Variants in FKTN observed in about 807,000 individuals in gnomAD.
FKTN encodes fukutin.
FKTN carries 47 observed loss-of-function variants against 58.6 expected under a neutral mutation model. That is an observed-to-expected ratio of 0.80 (90% CI 0.63 to 1.02). The LOEUF is 1.02. Among genes scored for constraint, FKTN ranks in the 50% least tolerant of loss-of-function variants. The pLI, the probability that FKTN is intolerant of heterozygous loss-of-function variation, is 0.00. For missense variants in FKTN, 516 were observed against 537.3 expected (o/e 0.96, Z 0.39); for synonymous variants, 178 against 191.9 (o/e 0.93, Z 0.60).
At chr9:105,581,586 C>A (rs1842922574) in intron 3 of FKTN, among the ~76,000 whole-genome samples, 1 of 151,972 alleles carries the variant, frequency 6.6e-6, no homozygotes, top group East Asian at 1.9e-4. Flanking sequence ...CAGACAGGGA[C>A]ATTGAAGTCT....
chr9:105,639,884 T>G lies in FKTN; in HGVS notation c.*4620T>G, dbSNP rs988003923. 5 of 1,402,214 alleles carry G rather than the reference T, an allele frequency of 3.6e-6. No individual in the cohort carries two copies. The highest frequency in any genetic ancestry group is 4.6e-6 in the Non-Finnish European group (5 of 1,083,076). 86.9% of individuals were successfully genotyped at this position (1,402,214 alleles called of 1,614,324 possible). On this transcript the variant is annotated 3_prime_UTR_variant, in exon 11 of 11. Coordinates refer to ENST00000357998, the MANE Select transcript of FKTN (RefSeq NM_001079802.2). ...TTTGGTACCTGCTCTCCCCTGGACT[T>G]CTTTTTCAATATTCTAGCCTTTCCT...
chr9:105,610,320 G>A (rs1232336039), intron 7 of FKTN, among the ~76,000 whole-genome samples: 1 of 151,984 alleles, frequency 6.6e-6, no homozygotes, highest in Non-Finnish European at 1.5e-5. Flanking sequence ...GGGGTAGGGT[G>A]TATATGTCTG....
chr9:105,628,064 C>T (rs1258835811), intron 10 of FKTN, among the ~76,000 whole-genome samples: 2 of 152,238 alleles, frequency 1.3e-5, no homozygotes, highest in African/African-American at 4.8e-5. Flanking sequence ...TGAATCCTCA[C>T]TCATTGTCTC....
chr9:105,578,668 A>G (rs1448253929), intron 3 of FKTN, among the ~76,000 whole-genome samples: 4 of 151,840 alleles, frequency 2.6e-5, no homozygotes, highest in South Asian at 2.1e-4. Flanking sequence ...TTGGTATCAG[A>G]ATGATGCTGG....
chr9:105,565,165 G>T (rs537279756), intron 1 of FKTN, among the ~76,000 whole-genome samples: 27 of 152,114 alleles, frequency 1.8e-4, no homozygotes, highest in African/African-American at 6.0e-4. Context: ...ACATGGAAAG[G>T]AACAGCCGAT....
intron 3 of FKTN, among the ~76,000 whole-genome samples, chr9:105,577,481 G>T (rs1197388826): frequency 6.9e-6 from 1 of 145,500 alleles, no homozygotes; most frequent in Admixed American, 6.8e-5. Flanking sequence ...ATAGTTGTAG[G>T]TATGCGGCAT....
rs1395356843 is a variant in FKTN at position 105,575,118 on chromosome 9, A to G, written c.86A>G (p.Lys29Arg). The G allele has an allele frequency of 2.5e-6, 4 of 1,595,618 alleles. No individual in the cohort carries two copies. In the Admixed American group the frequency reaches 6.7e-5, roughly 27 times the overall value. ...CTGCTGTTTCAGTTGTACTACTACAAGCACTATTTATCAACAAAGGTAATT... is the reference window on the plus strand; with the variant it reads ...CTGCTGTTTCAGTTGTACTACTACAGGCACTATTTATCAACAAAGGTAATT... ...AFLLFQLYYY[K>R]HYLSTKNGAG... Residue 29 changes from lysine to arginine, a missense_variant, in exon 3 of 11, where the codon AAG becomes AGG. Lys to Arg is a conservative substitution (Grantham distance 26). Coordinates refer to ENST00000357998, the MANE Select transcript of FKTN (RefSeq NM_001079802.2).
chr9:105,608,960 C>T (rs1352613118), intron 7 of FKTN, among the ~76,000 whole-genome samples: 1 of 152,136 alleles, frequency 6.6e-6, no homozygotes, highest in Non-Finnish European at 1.5e-5. Flanking sequence ...TAAACTTGAC[C>T]GCTCTTCCTG....
intron 8 of FKTN, among the ~76,000 whole-genome samples, chr9:105,615,683 TC>T (rs1830674700): frequency 6.6e-6 from 1 of 152,038 alleles, no homozygotes. Flanking sequence ...TATACAATAG[TC>T]CCCCCTTATC....
chr9:105,613,129 T>C (rs1265193391), intron 7 of FKTN, among the ~76,000 whole-genome samples: 5 of 152,198 alleles, frequency 3.3e-5, no homozygotes, highest in Non-Finnish European at 7.3e-5. Context: ...GTCCTTTCAG[T>C]CACTCTGTGT....
chr9:105,575,791 G>A (rs1441152234), intron 3 of FKTN, among the ~76,000 whole-genome samples: 1 of 152,138 alleles, frequency 6.6e-6, no homozygotes, highest in Non-Finnish European at 1.5e-5. Flanking sequence ...TTATCCTCAT[G>A]TCTTAATTAG....
At chr9:105,581,180 C>G (rs1428085126) in intron 3 of FKTN, among the ~76,000 whole-genome samples, 1 of 150,026 alleles carries the variant, frequency 6.7e-6, no homozygotes, top group Non-Finnish European at 1.5e-5. Flanking sequence ...CAAAGTCATT[C>G]TCCATCCAGC....
chr9:105,565,456 C>G (rs559781237), intron 1 of FKTN, among the ~76,000 whole-genome samples: 1 of 152,206 alleles, frequency 6.6e-6, no homozygotes, highest in Non-Finnish European at 1.5e-5. Context: ...GGAGGAAGAT[C>G]TACCAAGCAA....
intron 3 of FKTN, among the ~76,000 whole-genome samples, chr9:105,595,487 T>C (rs2132565498): frequency 6.6e-6 from 1 of 152,296 alleles, no homozygotes; most frequent in East Asian, 1.9e-4. Flanking sequence ...GCAGTCTCTT[T>C]TCAGGTTTCA....
chr9:105,639,972 G>A lies in FKTN; in HGVS notation c.*4708G>A. 6.7e-7 allele frequency: 1 copy of A among 1,503,324 alleles called. No homozygotes were observed. The highest frequency in any genetic ancestry group is 1.4e-5 in the African/African-American group (1 of 72,176). The allele number at this position is 1,503,324 out of a possible 1,614,324, so 93.1% of individuals were successfully genotyped here. A position where few individuals can be genotyped will look rare whatever the true frequency, so the allele number is the denominator to read the frequency against. ...TATAAGCCATGATTTGGAGAGGGAA[G>A]AAATCTGGAATACTTAATTTCATTT... On this transcript the variant is annotated 3_prime_UTR_variant, in exon 11 of 11. Transcript: ENST00000357998.
intron 3 of FKTN, among the ~76,000 whole-genome samples, chr9:105,591,325 G>A (rs933172301): frequency 3.3e-5 from 5 of 152,132 alleles, no homozygotes; most frequent in African/African-American, 1.2e-4. Context: ...TTCCACCTAT[G>A]AGCCTGTAAA....
chr9:105,591,730 GCT>G (rs1017448935), intron 3 of FKTN, among the ~76,000 whole-genome samples: 19 of 152,226 alleles, frequency 1.2e-4, no homozygotes, highest in Admixed American at 1.2e-3. Context: ...CCCAGTGGGG[GCT>G]CTCTGTGGGA....
chr9:105,618,797 C>T (rs951872174), intron 9 of FKTN, among the ~76,000 whole-genome samples: 1 of 152,156 alleles, frequency 6.6e-6, no homozygotes, highest in Non-Finnish European at 1.5e-5. Context: ...CGGCTGGGCG[C>T]GGTGGCTCAC....
Position 105,637,751 on chromosome 9 carries a change from G to A in FKTN, c.*2487G>A. On this transcript the variant is annotated 3_prime_UTR_variant, in exon 11 of 11. Coordinates refer to ENST00000357998, the MANE Select transcript of FKTN (RefSeq NM_001079802.2). ...ATGAATGTCTCCAGAGACATCCTGA[G>A]AGGCAAGATTCCTCTTAATTGATAA... is the stretch of plus-strand genomic sequence containing the variant. The A allele has an allele frequency of 1.0e-6, 1 of 985,362 alleles. No homozygotes were observed. The highest frequency in any genetic ancestry group is 4.7e-5 in the South Asian group (1 of 21,288). 61.0% of individuals were successfully genotyped at this position (985,362 alleles called of 1,614,324 possible).
Sources: gnomAD v4.1 joint callset for allele counts (sites outside exome capture counted in the v4.1 genomes callset) on GRCh38, gnomAD v4.1.1 for gene constraint, MANE v1.5 for transcripts, NCBI Gene and HGNC (gene_info 2026-07-23, HGNC 2026-07-21) for gene names.